RNF212: variants seen among roughly 807,000 people sequenced by gnomAD.
The protein encoded by RNF212 is ring finger protein 212, also known as probable E3 SUMO-protein ligase RNF212.
A neutral mutation model predicts 34.7 loss-of-function variants in RNF212; 33 were observed. The observed-to-expected ratio is 0.95, with a 90% CI of 0.72 to 1.27. RNF212 has a LOEUF of 1.27. RNF212 is among the 50% of genes most tolerant of loss of function. RNF212 has a pLI of 0.00. For missense variants in RNF212, 377 were observed against 362.2 expected (o/e 1.04, Z -0.33); for synonymous variants, 140 against 136.1 (o/e 1.03, Z -0.20).
intron 3 of RNF212, among the ~76,000 whole-genome samples, chr4:1,060,111 AAAG>A (rs143430357): frequency 0.61 from 71,398 of 116,980 alleles, 21,403 homozygotes; most frequent in Non-Finnish European, 0.63. Context: ...AAAAAAAAAA[AAAG>A]AAAAAAGAAA....
downstream of RNF212, among the ~76,000 whole-genome samples, chr4:1,066,890 C>T (rs1718133658): frequency 6.6e-6 from 1 of 151,962 alleles, no homozygotes; most frequent in Non-Finnish European, 1.5e-5. Flanking sequence ...CATTGTGAAC[C>T]TTTTGCTCTA....
At chr4:1,110,261 T>C (rs772266992) in intron 1 of RNF212, among the ~76,000 whole-genome samples, 9 of 151,976 alleles carry the variant, frequency 5.9e-5, no homozygotes, top group Non-Finnish European at 7.4e-5. Flanking sequence ...TGAATAGGCA[T>C]AGGAAAAAAT....
intron 3 of RNF212, among the ~76,000 whole-genome samples, chr4:1,063,105 G>C (rs1233888737): frequency 1.3e-5 from 2 of 152,202 alleles, no homozygotes; most frequent in African/African-American, 2.4e-5. Context: ...GGAAGATGCA[G>C]TGTTAGTATT....
chr4:1,085,382 GC>G (rs1187356216), intron 5 of RNF212, among the ~76,000 whole-genome samples: 2 of 152,252 alleles, frequency 1.3e-5, no homozygotes, highest in Admixed American at 6.5e-5. Flanking sequence ...GAAATGTAAT[GC>G]TTTAAGTCCC....
chr4:1,073,134 C>A lies in RNF212; in HGVS notation c.634G>T (p.Val212Leu), dbSNP rs770293388. ...CTGGAAATGACACACTCTCCGGGCA[C>A]AGGGGGCTTAGACAAGGTCAACCAT... ...IPWLTLSKPP[V>L]PGECVISRGS... Residue 212 changes from valine (V) to leucine (L), a missense_variant, in exon 10 of 10, where the codon GTG (valine) becomes TTG (leucine). Val to Leu is a conservative substitution (Grantham distance 32). Coordinates refer to ENST00000433731, the MANE Select transcript of RNF212 (RefSeq NM_001131034.4). The A allele has an allele frequency of 3.7e-6, 6 of 1,614,136 alleles. No homozygotes were observed. The highest frequency in any genetic ancestry group is 4.2e-6 in the Non-Finnish European group (5 of 1,180,036).
At chr4:1,074,769 T>C (rs543806826) in intron 8 of RNF212, among the ~76,000 whole-genome samples, 1 of 152,158 alleles carries the variant, frequency 6.6e-6, no homozygotes, top group East Asian at 1.9e-4. Flanking sequence ...GACAGAATCT[T>C]GTGAAATCAG....
At chr4:1,056,957 G>T in intron 4 of RNF212, 1 of 987,986 alleles carries the variant, frequency 1.0e-6, no homozygotes, top group Non-Finnish European at 1.2e-6. Flanking sequence ...TAACTGTGGT[G>T]TTGGCGTTAG....
At chr4:1,088,521 G>A (rs535320264) in intron 4 of RNF212, among the ~76,000 whole-genome samples, 45 of 152,162 alleles carry the variant, frequency 3.0e-4, no homozygotes, top group Non-Finnish European at 5.1e-4. Flanking sequence ...AAATTGCAGC[G>A]CGACCATGCA....
intron 2 of RNF212, among the ~76,000 whole-genome samples, chr4:1,106,098 G>A (rs1026294377): frequency 6.6e-6 from 1 of 152,206 alleles, no homozygotes; most frequent in African/African-American, 2.4e-5. Flanking sequence ...AGTGAGAGGA[G>A]GAGGAAGCAG....
intron 4 of RNF212, among the ~76,000 whole-genome samples, chr4:1,087,623 G>A (rs1428034058): frequency 6.6e-6 from 1 of 150,688 alleles, no homozygotes; most frequent in African/African-American, 2.5e-5. Context: ...ACAGAATGGG[G>A]TTGAGAGGTG....
At position 1,084,053 on chromosome 4, in the gene RNF212, A is replaced by G. The variant is rs143788959; in HGVS notation, c.362+1843T>C. ...AACCTCTGCCTCCCAAGTTCAAGAGATTCTCCTGCCTCAGCCTCCTGAATA... is the reference window on the plus strand; with the variant it reads ...AACCTCTGCCTCCCAAGTTCAAGAGGTTCTCCTGCCTCAGCCTCCTGAATA... On this transcript the variant is annotated intron_variant, in intron 5 of 9. Transcript: ENST00000433731. Among the ~76,000 whole-genome samples the G allele has an allele frequency of 2.2e-3, 326 of 150,396 alleles. 1 individual carries two copies. Among genetic ancestry groups the G allele is most frequent in the Middle Eastern group, 6.8e-3 (2 of 292 alleles).
chr4:1,061,379 C>G (rs992445844), intron 3 of RNF212, among the ~76,000 whole-genome samples: 44 of 152,260 alleles, frequency 2.9e-4, no homozygotes, highest in African/African-American at 1.0e-3. Context: ...GGCCCACAGT[C>G]CTGGCTGGGG....
At chr4:1,099,550 G>A (rs546350912) in intron 2 of RNF212, among the ~76,000 whole-genome samples, 70 of 152,118 alleles carry the variant, frequency 4.6e-4, no homozygotes, top group Admixed American at 2.7e-3. Context: ...TGAGGCCCTC[G>A]CATCATCAAG....
intron 4 of RNF212, among the ~76,000 whole-genome samples, 179 bp downstream of exon 4, chr4:1,090,603 G>A (rs1044222203): frequency 3.3e-5 from 5 of 152,140 alleles, no homozygotes; most frequent in African/African-American, 1.2e-4. Flanking sequence ...GACAAGGGTT[G>A]GGCAAATAGG....
chr4:1,096,959 T>G, intron 2 of RNF212, 120 bp from the exon 3 acceptor site: 1 of 767,816 alleles, frequency 1.3e-6, no homozygotes, highest in Non-Finnish European at 2.3e-6. Flanking sequence ...GCCAGCACAT[T>G]GTGAATGGCC....
chr4:1,093,982 G>A, intron 3 of RNF212: 1 of 1,536,018 alleles, frequency 6.5e-7, no homozygotes, highest in East Asian at 2.4e-5. Flanking sequence ...GGCATAACTT[G>A]AGACGGCAAC....
At chr4:1,104,342 T>C (rs983025735) in intron 2 of RNF212, among the ~76,000 whole-genome samples, 3 of 152,218 alleles carry the variant, frequency 2.0e-5, no homozygotes. Context: ...TTCTTGCCCA[T>C]ACAATAGTTC....
chr4:1,075,788 C>G (rs1024291291), intron 8 of RNF212, among the ~76,000 whole-genome samples: 2 of 152,172 alleles, frequency 1.3e-5, no homozygotes, highest in African/African-American at 2.4e-5. Flanking sequence ...CCTCCCACCT[C>G]AGCTTCTCAG....
intron 4 of RNF212, among the ~76,000 whole-genome samples, chr4:1,057,579 C>T (rs114038957): frequency 0.014 from 2,071 of 152,222 alleles, 50 homozygotes; most frequent in African/African-American, 0.047. Context: ...CTGCCTGCCC[C>T]GGCCTTCTCA....
Sources: gnomAD v4.1 joint callset for allele counts (sites outside exome capture counted in the v4.1 genomes callset) on GRCh38, gnomAD v4.1.1 for gene constraint, MANE v1.5 for transcripts, NCBI Gene and HGNC (gene_info 2026-07-23, HGNC 2026-07-21) for gene names.